EPB41L3: variants seen among roughly 807,000 people sequenced by gnomAD.
EPB41L3 encodes the protein erythrocyte membrane protein band 4.1 like 3.
A neutral mutation model predicts 127.1 loss-of-function variants in EPB41L3; 57 were observed. That is an observed-to-expected ratio of 0.45 (90% confidence interval 0.36 to 0.56). The LOEUF is 0.56. Ranked by LOEUF, EPB41L3 falls within the 20% of genes least tolerant of loss-of-function variation. EPB41L3 has a pLI of 0.00. For synonymous variants in EPB41L3, 572 were observed against 549.5 expected (o/e 1.04, Z -0.57); for missense variants, 1,273 against 1,372.2 (o/e 0.93, Z 1.14).
At chr18:5,435,650 T>A (rs2079661587) in intron 6 of EPB41L3, among the ~76,000 whole-genome samples, 1 of 152,166 alleles carries the variant, frequency 6.6e-6, no homozygotes, top group African/African-American at 2.4e-5. Context: ...AACAAAATCA[T>A]CTAAAGATGC....
upstream of EPB41L3, among the ~76,000 whole-genome samples, chr18:5,545,392 C>CGGA (rs138972826): frequency 0.015 from 2,343 of 152,080 alleles, 69 homozygotes; most frequent in African/African-American, 0.053. Flanking sequence ...CAGTGAGGCC[C>CGGA]GGAGACGTGG....
At chr18:5,416,450 AT>A (rs1254100690) in intron 12 of EPB41L3, 72 bp from the exon 13 acceptor site, 1 of 1,440,230 alleles carries the variant, frequency 6.9e-7, no homozygotes, top group Non-Finnish European at 9.2e-7. Context: ...GAAAACTGCA[AT>A]TAGTTAATTT....
Position 5,600,624 on chromosome 18 carries a change from G to GA in EPB41L3, c.-306+11715dup, listed in dbSNP as rs541668153. Among the ~76,000 whole-genome samples the GA allele has an allele frequency of 3.0e-4, 45 of 151,074 alleles. No homozygotes were observed. In the East Asian group the frequency reaches 8.3e-3, roughly 28 times the overall value. On this transcript the variant is annotated intron_variant, in intron 3 of 21. Coordinates refer to the EPB41L3 transcript ENST00000545076. Reference sequence around the variant, plus strand: ...GAGAGATTTAAAAAAGCAAAGGGAAGAAAAAAACATTACAATTACAATCAA... The same window carrying GA: ...GAGAGATTTAAAAAAGCAAAGGGAAGAAAAAAAACATTACAATTACAATCAA...
intron 1 of EPB41L3, chr18:5,539,656 T>A (rs1172251349): frequency 6.6e-6 from 1 of 152,216 alleles, no homozygotes; most frequent in Non-Finnish European, 1.5e-5. Flanking sequence ...ACAAGGAACA[T>A]CTGCAGCCAT....
At chr18:5,424,494 T>C (rs1297646423) in intron 9 of EPB41L3, 135 bp from the exon 10 acceptor site, 2 of 628,046 alleles carry the variant, frequency 3.2e-6, no homozygotes, top group Non-Finnish European at 5.4e-6. Flanking sequence ...ATATGCATAA[T>C]TCATGCTATA....
chr18:5,458,042 AT>A (rs978308160), intron 3 of EPB41L3, among the ~76,000 whole-genome samples: 6 of 152,182 alleles, frequency 3.9e-5, no homozygotes, highest in Non-Finnish European at 7.3e-5. Context: ...TTTTTTAAAA[AT>A]ATCAAAGAAA....
intron 2 of EPB41L3, chr18:5,479,607 C>A (rs2087996910): frequency 6.6e-6 from 1 of 152,090 alleles, no homozygotes. Context: ...GTACTCTCCT[C>A]CAATTCTATC....
intron 16 of EPB41L3, among the ~76,000 whole-genome samples, chr18:5,403,981 G>T (rs2143600337): frequency 6.6e-6 from 1 of 152,260 alleles, no homozygotes; most frequent in South Asian, 2.1e-4. Context: ...AGAAGCCATG[G>T]TTTTAATATA....
rs763544871 is a variant in EPB41L3, at chr18:5,428,306, T to C, written c.1065+7A>G. The C allele has an allele frequency of 4.3e-6, 7 of 1,614,018 alleles. No individual in the cohort carries two copies. Among genetic ancestry groups the C allele is most frequent in the Non-Finnish European group, 5.9e-6 (7 of 1,179,882 alleles). The stretch of plus-strand genomic sequence containing the variant: ...CCCAACGCACAGGCAAATGTGGGTA[T>C]ACTTACCTCTCCCGGCCGGATCTTA... On this transcript the variant is annotated splice_region_variant and intron_variant, in intron 9 of 22. Transcript: ENST00000341928.
At chr18:5,408,070 T>C (rs1256120861) in intron 14 of EPB41L3, among the ~76,000 whole-genome samples, 1 of 152,128 alleles carries the variant, frequency 6.6e-6, no homozygotes, top group Non-Finnish European at 1.5e-5. Flanking sequence ...GGGAGCCAGA[T>C]TAAAATTAAA....
At chr18:5,450,486 T>C (rs1471286284) in intron 3 of EPB41L3, among the ~76,000 whole-genome samples, 1 of 148,120 alleles carries the variant, frequency 6.8e-6, no homozygotes, top group African/African-American at 2.5e-5. Flanking sequence ...AGGGGAAGAG[T>C]GTGAGGGGGT....
intron 1 of EPB41L3, among the ~76,000 whole-genome samples, chr18:5,516,537 C>T (rs981895040): frequency 2.6e-5 from 4 of 152,198 alleles, no homozygotes; most frequent in Non-Finnish European, 4.4e-5. Flanking sequence ...AACACTATCA[C>T]GTCCGCTGAA....
chr18:5,560,589 A>G (rs1283900107), intron 3 of EPB41L3, among the ~76,000 whole-genome samples: 1 of 152,218 alleles, frequency 6.6e-6, no homozygotes. Flanking sequence ...TAAAATTCCT[A>G]GAGAACACCG....
At chr18:5,607,355 G>T (rs368769519) in intron 3 of EPB41L3, among the ~76,000 whole-genome samples, 1 of 152,306 alleles carries the variant, frequency 6.6e-6, no homozygotes, top group African/African-American at 2.4e-5. Context: ...CCTCATTCTG[G>T]CTGAGCCCTT....
intron 8 of EPB41L3, among the ~76,000 whole-genome samples, chr18:5,430,859 G>A (rs185188502): frequency 6.6e-6 from 1 of 151,950 alleles, no homozygotes; most frequent in Non-Finnish European, 1.5e-5. Context: ...CTGGGCCTGA[G>A]AAATCTTTGG....
chr18:5,460,618 C>A (rs941810433), intron 3 of EPB41L3, among the ~76,000 whole-genome samples: 5 of 152,198 alleles, frequency 3.3e-5, no homozygotes, highest in Admixed American at 1.3e-4. Context: ...AGAGGAAGAA[C>A]AATCAGTGAG....
Position 5,398,503 on chromosome 18 carries a change from T to C in EPB41L3, c.2350-360A>G, listed in dbSNP as rs537395816. 3 of 401,688 alleles carry C rather than the reference T, an allele frequency of 7.5e-6. No homozygotes were observed. The East Asian group carries it at 1.1e-4, about 14-fold the overall frequency. The allele number at this position is 401,688 out of a possible 1,614,324, so 24.9% of individuals were successfully genotyped here. ...TTGCACTGCGGTATTGATTTAACCA[T>C]GAAAAAAAATTAAGAAGCTGGGTTG... On this transcript the variant is annotated intron_variant, in intron 16 of 22. Coordinates refer to ENST00000341928, the MANE Select transcript of EPB41L3 (RefSeq NM_012307.5).
intron 15 of EPB41L3, chr18:5,407,355 G>A (rs936870143): frequency 4.9e-6 from 2 of 406,250 alleles, no homozygotes; most frequent in Non-Finnish European, 4.4e-6. Context: ...CACAGTTCAT[G>A]CATCACAATA....
At chr18:5,417,149 C>T (rs998911544) in intron 12 of EPB41L3, among the ~76,000 whole-genome samples, 3 of 152,140 alleles carry the variant, frequency 2.0e-5, no homozygotes, top group Non-Finnish European at 2.9e-5. Context: ...ACATGCTTTG[C>T]CAGTATTTAC....
Sources: gnomAD v4.1 joint callset for allele counts (sites outside exome capture counted in the v4.1 genomes callset) on GRCh38, gnomAD v4.1.1 for gene constraint, MANE v1.5 for transcripts, NCBI Gene and HGNC (gene_info 2026-07-23, HGNC 2026-07-21) for gene names.